The following ETV1 variants were observed in gnomAD, a reference collection of about 807,000 sequenced individuals.
ETV1 encodes ETS variant transcription factor 1, also known as ETS translocation variant 1.
In ETV1, 27 loss-of-function variants were observed where a neutral mutation model predicts 62.3. That is an observed-to-expected ratio of 0.43 (90% CI 0.32 to 0.60). ETV1 has a LOEUF of 0.60. ETV1 is among the 20% of genes least tolerant of loss of function. The probability of loss-of-function intolerance (pLI) is 0.06; values close to 1 mark genes in which losing one functional copy is unlikely to be tolerated. For missense variants in ETV1, 605 were observed against 605.8 expected, an observed-to-expected ratio of 1.00 and a Z score of 0.01; for synonymous variants, 222 against 199.6, an observed-to-expected ratio of 1.11 and a Z score of -0.94.
At chr7:13,945,634 T>C (rs1195668954) in intron 6 of ETV1, among the ~76,000 whole-genome samples, 1 of 152,236 alleles carries the variant, frequency 6.6e-6, no homozygotes, top group African/African-American at 2.4e-5. Flanking sequence ...CTGGAGATTC[T>C]ATGTCACAAA....
intron 5 of ETV1, among the ~76,000 whole-genome samples, chr7:13,977,864 A>G (rs1781607893): frequency 6.6e-6 from 1 of 152,152 alleles, no homozygotes; most frequent in Non-Finnish European, 1.5e-5. Context: ...TAAGCAGCCC[A>G]CTTAAATTAA....
At position 13,895,605 on chromosome 7, in the gene ETV1, A is replaced by G. The variant is rs1213417971; in HGVS notation, c.*261T>C. 1 of 433,192 alleles carries G rather than the reference A, an allele frequency of 2.3e-6. No individual in the cohort carries two copies. Among genetic ancestry groups the G allele is most frequent in the African/African-American group, 1.9e-5 (1 of 51,324 alleles). 26.8% of individuals were successfully genotyped at this position (433,192 alleles called of 1,614,324 possible). On this transcript the variant is annotated 3_prime_UTR_variant, in exon 14 of 14. Transcript: ENST00000430479. ...CCCATCCCAAGCCTAAGTAAAAAGTAATCCCCAAATCCCTCTGCCCATTCA... is the reference window on the plus strand; with the variant it reads ...CCCATCCCAAGCCTAAGTAAAAAGTGATCCCCAAATCCCTCTGCCCATTCA...
intron 13 of ETV1, among the ~76,000 whole-genome samples, 186 bp from the exon 14 acceptor site, chr7:13,896,273 C>T (rs1781766545): frequency 6.6e-6 from 1 of 151,514 alleles, no homozygotes; most frequent in South Asian, 2.1e-4. Context: ...GAATAAACTA[C>T]AGTTCAGTCA....
At chr7:13,902,435 T>G (rs1364364598) in intron 12 of ETV1, among the ~76,000 whole-genome samples, 1 of 150,974 alleles carries the variant, frequency 6.6e-6, no homozygotes, top group African/African-American at 2.4e-5. Flanking sequence ...CAGCAGACAA[T>G]CACAGTGGCA....
In ETV1 at chr7:13,931,551, G is replaced by A. The variant is rs1319120672; in HGVS notation, c.753C>T (p.Pro251=). The change falls in exon 9 of 14, where the codon CCC becomes CCT. Residue 251 remains proline (P), a synonymous_variant. Transcript: ENST00000430479. ...MVGSAASQSF[P]PPLMIKQEPR... ...GTTCCTGTTTAATCATCAGAGGAGG[G>A]GGAAAGCTTTGGCTGGCCGCACTGC... 1 of 1,613,940 alleles carries A rather than the reference G, an allele frequency of 6.2e-7. No individual in the cohort carries two copies. The highest frequency in any genetic ancestry group is 8.5e-7 in the Non-Finnish European group (1 of 1,179,910).
intron 5 of ETV1, among the ~76,000 whole-genome samples, chr7:13,977,899 G>A (rs1781611047): frequency 6.6e-6 from 1 of 152,046 alleles, no homozygotes; most frequent in Admixed American, 6.6e-5. Flanking sequence ...TAAGTGATGT[G>A]CAGTTATCAC....
intron 9 of ETV1, among the ~76,000 whole-genome samples, chr7:13,929,806 C>T (rs1785879092): frequency 6.6e-6 from 1 of 152,140 alleles, no homozygotes; most frequent in African/African-American, 2.4e-5. Context: ...TCAACGGGGC[C>T]AATTCCCTTC....
At chr7:13,911,598 T>C (rs374245975) in intron 9 of ETV1, among the ~76,000 whole-genome samples, 154 of 152,298 alleles carry the variant, frequency 1.0e-3, no homozygotes, top group African/African-American at 3.5e-3. Flanking sequence ...AATGAGATGG[T>C]GTCCTTGAAA....
intron 9 of ETV1, among the ~76,000 whole-genome samples, chr7:13,919,562 C>CCACA (rs1318679024): frequency 1.0e-5 from 1 of 100,004 alleles, no homozygotes; most frequent in African/African-American, 5.1e-5. Context: ...TAAATAGAAA[C>CCACA]CATACACACA....
chr7:13,941,128 A>T (rs1427510877), intron 6 of ETV1, among the ~76,000 whole-genome samples: 1 of 152,208 alleles, frequency 6.6e-6, no homozygotes, highest in East Asian at 1.9e-4. Context: ...CATTAACTTT[A>T]CCAAGTCAGA....
chr7:13,902,769 TACTC>T (rs1782569983), intron 12 of ETV1, among the ~76,000 whole-genome samples: 1 of 152,210 alleles, frequency 6.6e-6, no homozygotes, highest in South Asian at 2.1e-4. Flanking sequence ...AATACTCACA[TACTC>T]ACAACAACTT....
Position 13,894,129 on chromosome 7 carries a change from G to A in ETV1, c.*1737C>T, listed in dbSNP as rs117589490. The A allele has an allele frequency of 1.5e-4, 34 of 231,476 alleles. No individual in the cohort carries two copies. The highest frequency in any genetic ancestry group is 2.4e-4 in the Non-Finnish European group (28 of 117,584). 14.3% of individuals were successfully genotyped at this position (231,476 alleles called of 1,614,324 possible). On this transcript the variant is annotated 3_prime_UTR_variant, in exon 14 of 14. Transcript: ENST00000430479. ...CTCATCACGAAATGCTTTTACAATA[G>A]GTTTATTTTGACTTTGTGTTTAGAA...
intron 6 of ETV1, among the ~76,000 whole-genome samples, chr7:13,963,526 C>T (rs1790429587): frequency 7.3e-6 from 1 of 136,420 alleles, no homozygotes; most frequent in African/African-American, 3.2e-5. Context: ...TAATACCAAT[C>T]TTGGCAAAAA....
chr7:13,914,934 TATC>T (rs1783987000), intron 9 of ETV1, among the ~76,000 whole-genome samples: 1 of 152,202 alleles, frequency 6.6e-6, no homozygotes, highest in Non-Finnish European at 1.5e-5. Flanking sequence ...ATTGCTCTGC[TATC>T]AAATAGTGTG....
intron 6 of ETV1, among the ~76,000 whole-genome samples, chr7:13,954,075 T>G (rs1267082580): frequency 6.6e-6 from 1 of 152,186 alleles, no homozygotes; most frequent in Non-Finnish European, 1.5e-5. Context: ...TACCAAATAC[T>G]AATATGCCTG....
At chr7:13,988,664 C>T in intron 3 of ETV1, 1 of 1,585,294 alleles carries the variant, frequency 6.3e-7, no homozygotes, top group Non-Finnish European at 8.5e-7. Flanking sequence ...CAAAAAGTGT[C>T]AGCATTTGTC....
intron 6 of ETV1, among the ~76,000 whole-genome samples, chr7:13,976,744 A>C (rs577602163): frequency 6.6e-6 from 1 of 152,302 alleles, no homozygotes; most frequent in South Asian, 2.1e-4. Flanking sequence ...TTGTACAGGC[A>C]AAACGCTCAC....
intron 8 of ETV1, 28 bp downstream of exon 8, chr7:13,935,680 T>G (rs1188519964): frequency 1.3e-6 from 2 of 1,595,640 alleles, no homozygotes; most frequent in Admixed American, 3.4e-5. Context: ...AAAAAACAGT[T>G]TCTAGAAAAC....
chr7:13,988,473 C>G, intron 3 of ETV1: 1 of 612,330 alleles, frequency 1.6e-6, no homozygotes, highest in Non-Finnish European at 2.8e-6. Context: ...AGCATTTACA[C>G]TTAAAGTTGT....
Sources: allele counts gnomAD v4.1 joint callset (sites outside exome capture counted in the v4.1 genomes callset), GRCh38; gene constraint gnomAD v4.1.1; transcripts MANE v1.5; gene names NCBI Gene and HGNC (gene_info 2026-07-23, HGNC 2026-07-21).